Variants in TNIK observed in about 807,000 individuals in gnomAD.
TNIK encodes the protein TRAF2 and NCK interacting kinase, also known as TRAF2 and NCK-interacting protein kinase.
A neutral mutation model predicts 191.3 loss-of-function variants in TNIK; 49 were observed. The ratio of observed to expected loss-of-function variants is 0.26; its 90% CI spans 0.20 to 0.32. The LOEUF (loss-of-function observed/expected upper bound fraction) is 0.32. TNIK is among the 10% of genes least tolerant of loss of function. The pLI is 1.00. For missense variants in TNIK, 1,155 were observed against 1,702.3 expected, an observed-to-expected ratio of 0.68 and a Z score of 5.66; for synonymous variants, 594 against 600.9, an observed-to-expected ratio of 0.99 and a Z score of 0.17.
intron 30 of TNIK, among the ~76,000 whole-genome samples, chr3:171,067,425 CTT>C (rs924533197): frequency 2.6e-5 from 4 of 152,020 alleles, no homozygotes; most frequent in African/African-American, 9.7e-5. Flanking sequence ...AATCCCAGCA[CTT>C]TGGGAGGCCG....
intron 18 of TNIK, among the ~76,000 whole-genome samples, chr3:171,121,536 C>T (rs974814565): frequency 5.3e-5 from 8 of 152,208 alleles, no homozygotes; most frequent in African/African-American, 1.9e-4. Context: ...AATGGAAGAC[C>T]ACGTGGAGCA....
chr3:171,327,780 T>C (rs1220402050), intron 2 of TNIK, among the ~76,000 whole-genome samples: 1 of 151,500 alleles, frequency 6.6e-6, no homozygotes, highest in African/African-American at 2.4e-5. Flanking sequence ...TAAAGGAAGG[T>C]GTAACGGGTG....
intron 2 of TNIK, among the ~76,000 whole-genome samples, chr3:171,296,531 G>A (rs1236862034): frequency 6.6e-6 from 1 of 152,238 alleles, no homozygotes; most frequent in East Asian, 1.9e-4. Context: ...ATGGACTGTG[G>A]GTTCTGGAGC....
chr3:171,067,369 T>A (rs924954915), intron 30 of TNIK, among the ~76,000 whole-genome samples: 3 of 151,962 alleles, frequency 2.0e-5, no homozygotes, highest in African/African-American at 7.3e-5. Context: ...GAATGACCAC[T>A]CATTAAAAAA....
At chr3:171,301,885 T>TAC (rs961380772) in intron 2 of TNIK, among the ~76,000 whole-genome samples, 1 of 152,212 alleles carries the variant, frequency 6.6e-6, no homozygotes, top group Non-Finnish European at 1.5e-5. Context: ...AATGCTGAAG[T>TAC]ACATTGGGGT....
intron 26 of TNIK, 194 bp from the exon 27 acceptor site, chr3:171,082,588 T>C (rs1018351076): frequency 3.4e-5 from 23 of 675,528 alleles, no homozygotes; most frequent in Middle Eastern, 7.6e-4. Context: ...GAAATTACAG[T>C]TTTCTTTTAT....
intron 12 of TNIK, among the ~76,000 whole-genome samples, chr3:171,156,509 G>A (rs1488709842): frequency 3.3e-5 from 5 of 152,218 alleles, no homozygotes; most frequent in Non-Finnish European, 5.9e-5. Flanking sequence ...CAGTTAGTGC[G>A]CCTTTCATCT....
At chr3:171,402,931 T>C (rs9846584) in intron 1 of TNIK, among the ~76,000 whole-genome samples, 7,879 of 152,266 alleles carry the variant, frequency 0.052, 697 homozygotes, top group African/African-American at 0.18. Flanking sequence ...GCCAAAGTAT[T>C]TTTAAAAATT....
chr3:171,113,991 A>T (rs1327866169), intron 18 of TNIK, among the ~76,000 whole-genome samples: 1 of 70,348 alleles, frequency 1.4e-5, no homozygotes, highest in South Asian at 5.0e-4. Context: ...GGATTTTACG[A>T]TTTTGTTAAA....
intron 21 of TNIK, among the ~76,000 whole-genome samples, chr3:171,106,237 T>C (rs1385664135): frequency 1.3e-5 from 2 of 152,220 alleles, no homozygotes; most frequent in Non-Finnish European, 2.9e-5. Flanking sequence ...CATAAAATGC[T>C]TTCACACACA....
intron 2 of TNIK, among the ~76,000 whole-genome samples, chr3:171,363,915 A>T (rs950618592): frequency 6.6e-6 from 1 of 152,202 alleles, no homozygotes; most frequent in Non-Finnish European, 1.5e-5. Context: ...GGCGGGTATC[A>T]CATCTCAGGG....
intron 1 of TNIK, among the ~76,000 whole-genome samples, chr3:171,398,097 A>G (rs1720479513): frequency 6.6e-6 from 1 of 152,182 alleles, no homozygotes; most frequent in Non-Finnish European, 1.5e-5. Context: ...CCAAAACACA[A>G]TTTTCCCATT....
At chr3:171,200,032 C>A (rs1263390407) in intron 4 of TNIK, among the ~76,000 whole-genome samples, 1 of 152,144 alleles carries the variant, frequency 6.6e-6, no homozygotes, top group Non-Finnish European at 1.5e-5. Context: ...TGAAAAAGCA[C>A]CAGAGACACA....
In TNIK at chr3:171,058,981, G is replaced by A. The variant is rs1224107566; in HGVS notation, c.*4900C>T. ...ACTATTCCTTAACATTTATCCCAGG[G>A]GAAGAGATAAGGGAAAGGGGTAGCT... On this transcript the variant is annotated 3_prime_UTR_variant, in exon 33 of 33. Transcript: ENST00000436636. Among the ~76,000 whole-genome samples the A allele has an allele frequency of 1.3e-5, 2 of 152,152 alleles. No homozygotes were observed. Among genetic ancestry groups the A allele is most frequent in the Admixed American group, 6.6e-5 (1 of 15,260 alleles).
At chr3:171,338,395 T>C (rs1168649784) in intron 2 of TNIK, among the ~76,000 whole-genome samples, 1 of 152,234 alleles carries the variant, frequency 6.6e-6, no homozygotes, top group Non-Finnish European at 1.5e-5. Flanking sequence ...AATATGTTAA[T>C]ATCCCCCAAA....
At chr3:171,256,727 C>A (rs1485738577) in intron 2 of TNIK, among the ~76,000 whole-genome samples, 3 of 152,170 alleles carry the variant, frequency 2.0e-5, no homozygotes, top group African/African-American at 7.2e-5. Context: ...TGGATGAATT[C>A]TGACCATCCC....
intron 20 of TNIK, 101 bp downstream of exon 20, chr3:171,107,964 A>C: frequency 1.7e-6 from 2 of 1,204,324 alleles, no homozygotes. Context: ...TACTAATCTC[A>C]ACAATTTTTG....
intron 2 of TNIK, among the ~76,000 whole-genome samples, chr3:171,291,176 C>CT (rs1751641318): frequency 6.6e-6 from 1 of 152,144 alleles, no homozygotes; most frequent in South Asian, 2.1e-4. Flanking sequence ...TAGTACTGTA[C>CT]TTTATGCTAT....
In TNIK at chr3:171,369,170, T is replaced by C. The variant is rs554554699; in HGVS notation, c.123+450A>G. ...TCGCTGCTATTAAGCTTTTGCTTTG[T>C]GAGGTAACCCAGTTTTCTTCCAACA... On this transcript the variant is annotated intron_variant, in intron 2 of 32. Coordinates refer to ENST00000436636, the MANE Select transcript of TNIK (RefSeq NM_015028.4). 3.3e-5 allele frequency among the ~76,000 whole-genome samples: 5 copies of C among 152,324 alleles called. No individual in the cohort carries two copies. In the East Asian group the frequency reaches 9.6e-4, roughly 29 times the overall value.
Sources: gnomAD v4.1 joint callset for allele counts (sites outside exome capture counted in the v4.1 genomes callset) on GRCh38, gnomAD v4.1.1 for gene constraint, MANE v1.5 for transcripts, NCBI Gene and HGNC (gene_info 2026-07-23, HGNC 2026-07-21) for gene names.